RIMS2: variants seen among roughly 807,000 people sequenced by gnomAD.
The protein encoded by RIMS2 is regulating synaptic membrane exocytosis 2, also known as regulating synaptic membrane exocytosis protein 2.
A neutral mutation model predicts 174.4 loss-of-function variants in RIMS2; 59 were observed. That is an observed-to-expected ratio of 0.34 (90% CI 0.27 to 0.42). The LOEUF (loss-of-function observed/expected upper bound fraction) is 0.42, where lower values mean the gene tolerates loss of function less well. RIMS2 is among the 10% of genes least tolerant of loss of function. The pLI, the probability that RIMS2 is intolerant of heterozygous loss-of-function variation, is 1.00. For synonymous variants in RIMS2, 606 were observed against 572.5 expected (o/e 1.06, Z -0.84); for missense variants, 1,620 against 1,666.3 (o/e 0.97, Z 0.48).
chr8:103,942,796 A>G (rs778957347), exon 14 of RIMS2: 1 of 1,612,538 alleles, frequency 6.2e-7, no homozygotes. Context: ...TAGAAACAGC[A>G]TTATTAGATG....
At position 103,632,731 on chromosome 8, in the gene RIMS2, A is replaced by ATTTTTTTT. The variant is rs61579273; in HGVS notation, c.177-64337_177-64330dup. Among the ~76,000 whole-genome samples the ATTTTTTTT allele has an allele frequency of 1.2e-3, 82 of 70,408 alleles. 1 individual carries two copies. The highest frequency in any genetic ancestry group is 1.2e-3 in the African/African-American group (20 of 16,288). 46.2% of individuals were successfully genotyped at this position (70,408 alleles called of 152,430 possible). A position where few individuals can be genotyped will look rare whatever the true frequency, so the allele number is the denominator to read the frequency against. On this transcript the variant is annotated intron_variant, in intron 1 of 23. Transcript: ENST00000504942. ...CCACTGCGCCCGGCCATATTTATTGATTTTTTTTTTTTTTTTTTTTTTTTT... is the reference window on the plus strand; with the variant it reads ...CCACTGCGCCCGGCCATATTTATTGATTTTTTTTTTTTTTTTTTTTTTTTTTTTTTTTT...
At chr8:103,699,305 C>T (rs1406318177) in intron 2 of RIMS2, among the ~76,000 whole-genome samples, 1 of 152,220 alleles carries the variant, frequency 6.6e-6, no homozygotes, top group Non-Finnish European at 1.5e-5. Context: ...CAGCTCACTG[C>T]AGTCTTGACC....
At chr8:103,858,696 C>T (rs1593974117) in intron 3 of RIMS2, among the ~76,000 whole-genome samples, 1 of 134,826 alleles carries the variant, frequency 7.4e-6, no homozygotes, top group Non-Finnish European at 1.6e-5. Flanking sequence ...TATATATATA[C>T]GTGTATATAT....
chr8:103,517,757 C>G (rs2130163304), intron 1 of RIMS2, among the ~76,000 whole-genome samples: 1 of 152,140 alleles, frequency 6.6e-6, no homozygotes, highest in African/African-American at 2.4e-5. Flanking sequence ...GTGGTAACTG[C>G]ATTTTGCAGG....
intron 19 of RIMS2, chr8:104,223,297 C>A: frequency 2.3e-6 from 2 of 867,198 alleles, no homozygotes; most frequent in Non-Finnish European, 2.8e-6. Flanking sequence ...GGGACCGCAG[C>A]ATCAGCGGCA....
chr8:103,847,379 G>A (rs943527448), intron 3 of RIMS2, among the ~76,000 whole-genome samples: 1 of 152,104 alleles, frequency 6.6e-6, no homozygotes, highest in African/African-American at 2.4e-5. Flanking sequence ...CACAGTCTTA[G>A]CTACATGTTT....
At chr8:103,635,101 T>A (rs1435219167) in intron 1 of RIMS2, among the ~76,000 whole-genome samples, 1 of 152,214 alleles carries the variant, frequency 6.6e-6, no homozygotes, top group African/African-American at 2.4e-5. Flanking sequence ...GTATGGTTAT[T>A]ATGTTGGCTT....
intron 19 of RIMS2, among the ~76,000 whole-genome samples, chr8:104,176,075 G>A (rs769215299): frequency 6.6e-6 from 1 of 152,028 alleles, no homozygotes; most frequent in Non-Finnish European, 1.5e-5. Context: ...TCTGAAGCAG[G>A]AATTATAACA....
intron 3 of RIMS2, among the ~76,000 whole-genome samples, chr8:103,841,954 CAAAAAGA>C (rs1178949796): frequency 1.4e-5 from 2 of 141,208 alleles, no homozygotes; most frequent in Non-Finnish European, 3.1e-5. Context: ...GACTCCGTCT[CAAAAAGA>C]AAAAAGAAAA....
intron 4 of RIMS2, among the ~76,000 whole-genome samples, chr8:103,886,680 C>A (rs1212616006): frequency 1.3e-5 from 2 of 151,380 alleles, no homozygotes; most frequent in Admixed American, 1.3e-4. Flanking sequence ...TATTTTCTTT[C>A]TTTTTTTTCC....
chr8:103,671,700 G>A (rs2096746026), intron 1 of RIMS2, among the ~76,000 whole-genome samples: 1 of 152,192 alleles, frequency 6.6e-6, no homozygotes, highest in African/African-American at 2.4e-5. Flanking sequence ...ACACAAGTGA[G>A]AAGAAAATTT....
intron 1 of RIMS2, among the ~76,000 whole-genome samples, chr8:103,614,223 G>C (rs552510639): frequency 6.6e-6 from 1 of 152,248 alleles, no homozygotes; most frequent in Admixed American, 6.5e-5. Context: ...CACTGGGTTG[G>C]GCAATTTCCC....
At chr8:104,219,961 A>G (rs937285042) in intron 19 of RIMS2, among the ~76,000 whole-genome samples, 3 of 152,220 alleles carry the variant, frequency 2.0e-5, no homozygotes, top group Admixed American at 6.5e-5. Flanking sequence ...GGAATAATAA[A>G]TCAACTTATT....
exon 6 of RIMS2, chr8:103,912,119 C>T (rs748264099): frequency 7.5e-6 from 12 of 1,605,760 alleles, no homozygotes; most frequent in East Asian, 6.7e-5. Flanking sequence ...ATTAAATAAG[C>T]GTCTAAAAGA....
intron 3 of RIMS2, among the ~76,000 whole-genome samples, chr8:103,850,225 C>T (rs937613332): frequency 2.6e-5 from 4 of 151,684 alleles, no homozygotes; most frequent in South Asian, 2.1e-4. Flanking sequence ...TACATATGAC[C>T]GTATATTACA....
intron 1 of RIMS2, among the ~76,000 whole-genome samples, chr8:103,660,631 C>T (rs546981992): frequency 1.3e-5 from 2 of 152,204 alleles, no homozygotes; most frequent in South Asian, 2.1e-4. Context: ...AAATCTGATA[C>T]GGAGTTGTGA....
At chr8:103,702,086 CT>C (rs2097173943) in intron 2 of RIMS2, among the ~76,000 whole-genome samples, 1 of 152,042 alleles carries the variant, frequency 6.6e-6, no homozygotes, top group Non-Finnish European at 1.5e-5. Context: ...TCTCTGCATC[CT>C]TGTTAACATT....
intron 1 of RIMS2, among the ~76,000 whole-genome samples, chr8:103,587,416 G>GAA (rs1205461410): frequency 3.0e-5 from 2 of 66,468 alleles, no homozygotes; most frequent in Non-Finnish European, 7.6e-5. Flanking sequence ...AAAGAAGAAA[G>GAA]AAAGAAAGAA....
chr8:103,580,825 C>CTTTTTTTT (rs61559970), intron 1 of RIMS2, among the ~76,000 whole-genome samples: 4 of 113,458 alleles, frequency 3.5e-5, no homozygotes, highest in East Asian at 6.4e-4. Context: ...AAAGGGAATA[C>CTTTTTTTT]TTTTTTTTTT....
Sources: allele counts gnomAD v4.1 joint callset (sites outside exome capture counted in the v4.1 genomes callset), GRCh38; gene constraint gnomAD v4.1.1; transcripts MANE v1.5; gene names NCBI Gene and HGNC (gene_info 2026-07-23, HGNC 2026-07-21).